ETFDH: variants seen among roughly 807,000 people sequenced by gnomAD.
ETFDH encodes electron transfer flavoprotein-ubiquinone oxidoreductase, mitochondrial.
Under a neutral mutation model 73.2 loss-of-function variants are expected in ETFDH, and 61 were observed. The observed-to-expected ratio is 0.83, with a 90% CI of 0.68 to 1.03. The LOEUF (loss-of-function observed/expected upper bound fraction) is 1.03, where lower values mean the gene tolerates loss of function less well. ETFDH is among the 50% of genes least tolerant of loss of function. ETFDH has a pLI of 0.00. For missense variants in ETFDH, 685 were observed against 745.0 expected (o/e 0.92, Z 0.94); for synonymous variants, 243 against 253.3 (o/e 0.96, Z 0.39).
intron 6 of ETFDH, among the ~76,000 whole-genome samples, chr4:158,691,406 C>T (rs574038946): frequency 3.3e-5 from 5 of 152,276 alleles, no homozygotes; most frequent in Middle Eastern, 6.8e-3. Flanking sequence ...CTCACTGCAA[C>T]CTCTGCTTTC....
intron 1 of ETFDH, among the ~76,000 whole-genome samples, chr4:158,677,869 G>GT (rs148144288): frequency 0.012 from 1,768 of 152,298 alleles, 27 homozygotes; most frequent in African/African-American, 0.038. Context: ...AGTCCATTCA[G>GT]TGGTTGGGGG....
In ETFDH at chr4:158,687,024, AG is replaced by A. The variant is rs543787156; in HGVS notation, c.606+1810del. ...GAGATGGAGAAGTATGGATGACTTTAGGGGGATAGTAGGTGATTTTTAGGGG... is the reference window on the plus strand; with the variant it reads ...GAGATGGAGAAGTATGGATGACTTTAGGGGATAGTAGGTGATTTTTAGGGG... On this transcript the variant is annotated intron_variant, in intron 5 of 12. Coordinates refer to ENST00000511912, the MANE Select transcript of ETFDH (RefSeq NM_004453.4). Among the ~76,000 whole-genome samples the A allele has an allele frequency of 1.3e-4, 20 of 152,262 alleles. 1 individual carries two copies. Among genetic ancestry groups the A allele is most frequent in the Middle Eastern group, 3.4e-3 (1 of 294 alleles).
rs766831541 is a variant in ETFDH, at chr4:158,684,664, A to G, written c.478A>G (p.Ile160Val). 15 of 1,538,346 alleles carry G rather than the reference A, an allele frequency of 9.8e-6. No individual in the cohort carries two copies. Among genetic ancestry groups the G allele is most frequent in the Non-Finnish European group, 1.3e-5 (14 of 1,111,040 alleles). ...LTEKYRIPVPILPGLPMNNHG... is the reference protein window; with the variant it reads ...LTEKYRIPVPVLPGLPMNNHG... ...AGAGAAATACAGAATTCCTGTGCCA[A>G]TTCTTCCAGGTAAGGTATAGTGAAT... is the stretch of plus-strand genomic sequence containing the variant. The change falls in exon 4 of 13, where the codon ATT becomes GTT. Residue 160 changes from isoleucine to valine, a missense_variant. Physicochemically the swap from Ile to Val is conservative, Grantham distance 29. This residue lies in a region of ETFDH where 405 missense variants were observed against 399.3 expected (regional missense o/e 1.01). Transcript: ENST00000511912.
At chr4:158,682,512 C>T in intron 3 of ETFDH, 88 bp downstream of exon 3, 1 of 1,011,424 alleles carries the variant, frequency 9.9e-7, no homozygotes, top group South Asian at 1.4e-5. Flanking sequence ...ATAGGAAACC[C>T]TTTTCATGTA....
At chr4:158,674,999 A>G (rs991001664) in intron 1 of ETFDH, among the ~76,000 whole-genome samples, 2 of 152,206 alleles carry the variant, frequency 1.3e-5, no homozygotes, top group Admixed American at 1.3e-4. Flanking sequence ...TGTTTTCTTC[A>G]TAATATTTTT....
rs1210756479 is a variant in ETFDH, at chr4:158,703,356, T to G, written c.1117-67T>G. The G allele has an allele frequency of 7.4e-6, 8 of 1,080,820 alleles. No individual in the cohort carries two copies. The Admixed American group carries it at 1.2e-4, about 16-fold the overall frequency. 67.0% of individuals were successfully genotyped at this position (1,080,820 alleles called of 1,614,324 possible). A position where few individuals can be genotyped will look rare whatever the true frequency, so the allele number is the denominator to read the frequency against. ...AGCTCTAGAATACTTTAAGACTGAT[T>G]TGGAGTATTCTGTTGTTCTTGTTTA... On this transcript the variant is annotated intron_variant, in intron 9 of 12. Coordinates refer to ENST00000511912, the MANE Select transcript of ETFDH (RefSeq NM_004453.4).
intron 1 of ETFDH, among the ~76,000 whole-genome samples, chr4:158,673,020 AG>A (rs1483479557): frequency 2.0e-5 from 3 of 152,130 alleles, no homozygotes; most frequent in African/African-American, 2.4e-5. Context: ...TCTAAAATTA[AG>A]GGCTGGGCGT....
intron 8 of ETFDH, 47 bp downstream of exon 8, chr4:158,697,746 T>C: frequency 1.3e-6 from 2 of 1,514,794 alleles, no homozygotes; most frequent in Non-Finnish European, 1.8e-6. Flanking sequence ...AGAGTTATAT[T>C]ACCATCAGTG....
chr4:158,703,835 G>A (rs372321492), intron 10 of ETFDH, among the ~76,000 whole-genome samples: 31 of 152,202 alleles, frequency 2.0e-4, no homozygotes, highest in African/African-American at 7.2e-4. Context: ...GGTGGCTCAC[G>A]CCTGTAATCC....
At chr4:158,687,219 A>G (rs1330194659) in intron 5 of ETFDH, among the ~76,000 whole-genome samples, 1 of 152,176 alleles carries the variant, frequency 6.6e-6, no homozygotes, top group East Asian at 1.9e-4. Context: ...GACCAGAAGT[A>G]ATTGTTTGCT....
chr4:158,709,060 T>TGTGTGTGTGTGTGTGTGTGTGTG lies in ETFDH; in HGVS notation c.*533_*534insGTGTGTGTGTGTGTGTGTGTGTG. ...GTGTGTGTGTGTGTGTGTGTGTGTA[T>TGTGTGTGTGTGTGTGTGTGTGTG]TATCTATAAGTATGAAAACCTAGCA... On this transcript the variant is annotated 3_prime_UTR_variant, in exon 13 of 13. Coordinates refer to ENST00000511912, the MANE Select transcript of ETFDH (RefSeq NM_004453.4). 1 of 153,636 alleles carries TGTGTGTGTGTGTGTGTGTGTGTG rather than the reference T, an allele frequency of 6.5e-6. No homozygotes were observed. Among genetic ancestry groups the TGTGTGTGTGTGTGTGTGTGTGTG allele is most frequent in the African/African-American group, 2.4e-5 (1 of 41,096 alleles). The allele number at this position is 153,636 out of a possible 1,614,324, so 9.5% of individuals were successfully genotyped here. A position where few individuals can be genotyped will look rare whatever the true frequency, so the allele number is the denominator to read the frequency against.
At position 158,687,806 on chromosome 4, in the gene ETFDH, C is replaced by T. The variant is rs1418982039; in HGVS notation, c.607-2542C>T. Among the ~76,000 whole-genome samples the T allele has an allele frequency of 2.0e-5, 3 of 152,052 alleles. No individual in the cohort carries two copies. In the East Asian group the frequency reaches 5.8e-4, roughly 29 times the overall value. The stretch of plus-strand genomic sequence containing the variant: ...CTGTAATCCCAGCACTTTGGGAGGC[C>T]AAGGCAGGCAGGTCACGAGGTCAGG... On this transcript the variant is annotated intron_variant, in intron 5 of 12. Coordinates refer to ENST00000511912, the MANE Select transcript of ETFDH (RefSeq NM_004453.4).
chr4:158,687,283 A>C (rs779799729), intron 5 of ETFDH, among the ~76,000 whole-genome samples: 4 of 152,228 alleles, frequency 2.6e-5, no homozygotes, highest in African/African-American at 4.8e-5. Flanking sequence ...GAACAACTTC[A>C]TCCTGTGCTT....
chr4:158,676,541 G>A (rs1177851587), intron 1 of ETFDH, among the ~76,000 whole-genome samples: 1 of 152,156 alleles, frequency 6.6e-6, no homozygotes, highest in Non-Finnish European at 1.5e-5. Flanking sequence ...GTTTGTTCTG[G>A]GAAAGGGCTG....
intron 9 of ETFDH, among the ~76,000 whole-genome samples, chr4:158,702,447 C>A (rs1220183538): frequency 6.6e-6 from 1 of 152,076 alleles, no homozygotes; most frequent in Admixed American, 6.5e-5. Flanking sequence ...AACCAATCTC[C>A]ATATCCCGCC....
rs1561242351 is a variant in ETFDH, at chr4:158,689,617, TA to T, written c.607-730del. Among the ~76,000 whole-genome samples, 26 of 118,638 alleles carry T rather than the reference TA, an allele frequency of 2.2e-4. 1 individual carries two copies. The highest frequency in any genetic ancestry group is 3.9e-4 in the Non-Finnish European group (22 of 56,510). 77.8% of individuals were successfully genotyped at this position (118,638 alleles called of 152,430 possible). On this transcript the variant is annotated intron_variant, in intron 5 of 12. Coordinates refer to ENST00000511912, the MANE Select transcript of ETFDH (RefSeq NM_004453.4). ...CTTCATATATATATATATATATATA[TA>T]TATATATATATATATATATTGTGGG...
chr4:158,682,483 G>T, intron 3 of ETFDH, 59 bp downstream of exon 3: 1 of 1,317,176 alleles, frequency 7.6e-7, no homozygotes. Context: ...TTCAGTAATT[G>T]TTCCCAAATT....
chr4:158,677,444 C>G (rs1773738533), intron 1 of ETFDH, among the ~76,000 whole-genome samples: 1 of 152,192 alleles, frequency 6.6e-6, no homozygotes, highest in Non-Finnish European at 1.5e-5. Flanking sequence ...GCAGGTTGGA[C>G]AAGCTTGCCT....
intron 1 of ETFDH, among the ~76,000 whole-genome samples, chr4:158,677,687 CAA>C (rs1352794922): frequency 1.6e-4 from 24 of 152,306 alleles, no homozygotes; most frequent in African/African-American, 5.8e-4. Flanking sequence ...CTTATTGCTA[CAA>C]AGAGTCTGTT....
Sources: gnomAD v4.1 joint callset for allele counts (sites outside exome capture counted in the v4.1 genomes callset) on GRCh38, gnomAD v4.1.1 for gene constraint, gnomAD v4.1.1 regional missense constraint, MANE v1.5 for transcripts, NCBI Gene and HGNC (gene_info 2026-07-23, HGNC 2026-07-21) for gene names.